MAPK4: variants seen among roughly 807,000 people sequenced by gnomAD.
MAPK4 encodes Erk3-related.
MAPK4 carries 22 observed loss-of-function variants against 47.7 expected under a neutral mutation model. That is an observed-to-expected ratio of 0.46 (90% CI 0.33 to 0.66). The LOEUF (loss-of-function observed/expected upper bound fraction) is 0.66, where lower values mean the gene tolerates loss of function less well. Among genes scored for constraint, MAPK4 ranks in the 30% least tolerant of loss-of-function variants. MAPK4 has a pLI of 0.02. For missense variants in MAPK4, 736 were observed against 831.7 expected (o/e 0.88, Z 1.42); for synonymous variants, 390 against 365.7 (o/e 1.07, Z -0.76).
At chr18:50,659,056 C>T (rs2043141731) in intron 1 of MAPK4, among the ~76,000 whole-genome samples, 1 of 152,210 alleles carries the variant, frequency 6.6e-6, no homozygotes, top group Non-Finnish European at 1.5e-5. Context: ...TTGTCTGTGG[C>T]TGCTTTTGTG....
chr18:50,647,100 A>G (rs2042997111), intron 1 of MAPK4, among the ~76,000 whole-genome samples: 1 of 152,326 alleles, frequency 6.6e-6, no homozygotes, highest in South Asian at 2.1e-4. Context: ...GTGATGCTCT[A>G]TAAATATTAC....
intron 1 of MAPK4, among the ~76,000 whole-genome samples, chr18:50,626,487 C>T (rs28729525): frequency 9.2e-5 from 14 of 152,116 alleles, no homozygotes; most frequent in South Asian, 4.2e-4. Context: ...TTGTTGGAGG[C>T]GGGAAGGATT....
At chr18:50,652,456 G>T (rs935365606) in intron 1 of MAPK4, among the ~76,000 whole-genome samples, 2 of 152,120 alleles carry the variant, frequency 1.3e-5, no homozygotes, top group Admixed American at 6.5e-5. Flanking sequence ...GTGGAAGGAA[G>T]TCAAGAACTC....
intron 1 of MAPK4, among the ~76,000 whole-genome samples, chr18:50,602,399 T>C (rs2042548438): frequency 1.3e-5 from 2 of 152,190 alleles, no homozygotes; most frequent in Non-Finnish European, 2.9e-5. Context: ...GCTTTTGGGG[T>C]TCCTTACTTG....
At chr18:50,725,911 A>G in intron 4 of MAPK4, 51 bp from the exon 5 acceptor site, 1 of 1,436,644 alleles carries the variant, frequency 7.0e-7, no homozygotes, top group Non-Finnish European at 9.8e-7. Context: ...TCTCCTTCTG[A>G]GCTCAACAAG....
chr18:50,574,278 T>C (rs1264751088), intron 1 of MAPK4, among the ~76,000 whole-genome samples: 3 of 152,232 alleles, frequency 2.0e-5, no homozygotes, highest in Non-Finnish European at 4.4e-5. Context: ...TCTTTTCTTT[T>C]ATGGAATTGG....
At chr18:50,670,243 G>T (rs886781108) in intron 2 of MAPK4, 1 of 152,142 alleles carries the variant, frequency 6.6e-6, no homozygotes, top group African/African-American at 2.4e-5. Context: ...TTTCAAAGGG[G>T]CAGTAAGCAG....
rs1486566192 is a variant in MAPK4 at position 50,678,768 on chromosome 18, C to T, written c.546+14264C>T. Reference sequence around the variant, plus strand: ...CGTTTGCCCTCTGCTGTCCATCATGCACCTGGCAGGATCCCCTTGTTTTCT... The same window carrying T: ...CGTTTGCCCTCTGCTGTCCATCATGTACCTGGCAGGATCCCCTTGTTTTCT... On this transcript the variant is annotated intron_variant, in intron 2 of 5. Transcript: ENST00000400384. This position sits in a 1 kb window ranked among gnomAD's most constrained non-coding sequence, Gnocchi z 4.2. Among the ~76,000 whole-genome samples, 1 of 152,208 alleles carries T rather than the reference C, an allele frequency of 6.6e-6. No homozygotes were observed. The highest frequency in any genetic ancestry group is 1.9e-4 in the East Asian group (1 of 5,196).
chr18:50,728,992 G>A (rs1911357516), intron 5 of MAPK4, among the ~76,000 whole-genome samples, 166 bp from the exon 6 acceptor site: 1 of 152,224 alleles, frequency 6.6e-6, no homozygotes, highest in African/African-American at 2.4e-5. Context: ...CATGTCCCCA[G>A]CTGAGCCCCC....
intron 1 of MAPK4, among the ~76,000 whole-genome samples, chr18:50,662,888 C>T (rs150158884): frequency 6.6e-6 from 1 of 152,332 alleles, no homozygotes; most frequent in East Asian, 1.9e-4. Flanking sequence ...CAAATCAATC[C>T]ATCTTCTGTC....
At chr18:50,637,732 T>C (rs1317812722) in intron 1 of MAPK4, among the ~76,000 whole-genome samples, 1 of 152,150 alleles carries the variant, frequency 6.6e-6, no homozygotes, top group African/African-American at 2.4e-5. Flanking sequence ...AAGATCACAG[T>C]GTTGGTGGGT....
intron 2 of MAPK4, among the ~76,000 whole-genome samples, chr18:50,688,185 A>G (rs1908998319): frequency 6.6e-6 from 1 of 152,084 alleles, no homozygotes; most frequent in African/African-American, 2.4e-5. Flanking sequence ...AATGAAATGG[A>G]GATTGCAAAA....
chr18:50,667,793 T>A (rs1907689230), intron 2 of MAPK4, among the ~76,000 whole-genome samples: 1 of 152,198 alleles, frequency 6.6e-6, no homozygotes, highest in African/African-American at 2.4e-5. Context: ...CCTCAAAACC[T>A]TGGGGATTTC....
intron 5 of MAPK4, among the ~76,000 whole-genome samples, chr18:50,727,677 G>T (rs537163200): frequency 6.6e-6 from 1 of 152,200 alleles, no homozygotes; most frequent in Non-Finnish European, 1.5e-5. Context: ...ACTGTCACAG[G>T]ATTTGTTGCT....
At chr18:50,654,365 G>T (rs2144219657) in intron 1 of MAPK4, among the ~76,000 whole-genome samples, 1 of 152,366 alleles carries the variant, frequency 6.6e-6, no homozygotes, top group East Asian at 1.9e-4. Context: ...AAGTACTGAA[G>T]CCAGTGTGGG....
intron 3 of MAPK4, among the ~76,000 whole-genome samples, chr18:50,716,900 C>T (rs1310590600): frequency 6.6e-6 from 1 of 152,170 alleles, no homozygotes; most frequent in Non-Finnish European, 1.5e-5. Flanking sequence ...ATCCTCCTTG[C>T]TCACCATTGC....
Position 50,692,961 on chromosome 18 carries a change from AATAG to A in MAPK4, c.547-22113_547-22110del, listed in dbSNP as rs1909310479. On this transcript the variant is annotated intron_variant, in intron 2 of 5. Coordinates refer to ENST00000400384, the MANE Select transcript of MAPK4 (RefSeq NM_002747.4). ...AGGCAGAAGTGATCCTAAGGCGTTA[AATAG>A]ATAGTGCAGGCTAGGCACGGTGGCT... Among the ~76,000 whole-genome samples, 5 of 152,288 alleles carry A rather than the reference AATAG, an allele frequency of 3.3e-5. No individual in the cohort carries two copies. In the South Asian group the frequency reaches 1.0e-3, roughly 32 times the overall value.
In MAPK4 at chr18:50,727,851, A is replaced by G. The variant is rs549563232; in HGVS notation, c.1068-1307A>G. On this transcript the variant is annotated intron_variant, in intron 5 of 5. Transcript: ENST00000400384. ...GTTTCCCAACTGTAAAGCGGGGGTG[A>G]TAACACAAAGTCCACAGGGTTGCTA... 1.2e-4 allele frequency among the ~76,000 whole-genome samples: 19 copies of G among 152,326 alleles called. No individual in the cohort carries two copies. The South Asian group carries it at 3.9e-3, about 32-fold the overall frequency.
In MAPK4 at chr18:50,727,184, G is replaced by A. The variant is rs561010770; in HGVS notation, c.1067+1009G>A. Among the ~76,000 whole-genome samples the A allele has an allele frequency of 6.8e-4, 104 of 152,328 alleles. No homozygotes were observed. The South Asian group carries it at 0.021, about 30-fold the overall frequency. ...TGTTCTGACGTTCTTAGATCAGGCA[G>A]CTAAACATTTGGGCATCACCATCTG... On this transcript the variant is annotated intron_variant, in intron 5 of 5. Transcript: ENST00000400384.
Sources: gnomAD v4.1 joint callset for allele counts (sites outside exome capture counted in the v4.1 genomes callset) on GRCh38, gnomAD v4.1.1 for gene constraint, Gnocchi (gnomAD v3.1) non-coding constraint, MANE v1.5 for transcripts, NCBI Gene and HGNC (gene_info 2026-07-23, HGNC 2026-07-21) for gene names.